Variants in TBRG4 observed in about 807,000 individuals in gnomAD.
TBRG4 encodes FAST kinase domain-containing protein 4.
TBRG4 carries 43 observed loss-of-function variants against 65.6 expected under a neutral mutation model. The ratio of observed to expected loss-of-function variants is 0.66; its 90% CI spans 0.51 to 0.85. The LOEUF (loss-of-function observed/expected upper bound fraction) is 0.85, where lower values mean the gene tolerates loss of function less well. TBRG4 is among the 40% of genes least tolerant of loss of function. The probability of loss-of-function intolerance (pLI) is 0.00; values close to 1 mark genes in which losing one functional copy is unlikely to be tolerated. For missense variants in TBRG4, 709 were observed against 787.9 expected, an observed-to-expected ratio of 0.90 and a Z score of 1.20; for synonymous variants, 366 against 341.4, an observed-to-expected ratio of 1.07 and a Z score of -0.79.
Position 45,100,407 on chromosome 7 carries a change from A to T in TBRG4, c.1814T>A (p.Leu605Gln), listed in dbSNP as rs756523331. ...LIVDVPFYEW[L>Q]ELKSEWQKGA... Reference sequence around the variant, plus strand: ...TTTCTGCCATTCAGACTTGAGTTCCAGCCACTCATAGAATGGGACCTAGAA... The same window carrying T: ...TTTCTGCCATTCAGACTTGAGTTCCTGCCACTCATAGAATGGGACCTAGAA... The change falls in exon 11 of 11, where the codon CTG becomes CAG. Residue 605 changes from leucine to glutamine, a missense_variant. Leu to Gln is a moderately radical substitution (Grantham distance 113). Coordinates refer to ENST00000258770, the MANE Select transcript of TBRG4 (RefSeq NM_004749.4). 2 of 1,614,124 alleles carry T rather than the reference A, an allele frequency of 1.2e-6. No individual in the cohort carries two copies. Among genetic ancestry groups the T allele is most frequent in the South Asian group, 2.2e-5 (2 of 91,088 alleles).
At position 45,102,452 on chromosome 7, in the gene TBRG4, G is replaced by C; in HGVS notation, c.1216C>G (p.Pro406Ala). 1 of 1,613,076 alleles carries C rather than the reference G, an allele frequency of 6.2e-7. No individual in the cohort carries two copies. The highest frequency in any genetic ancestry group is 1.1e-5 in the South Asian group (1 of 91,066). Residue 406 changes from proline (P) to alanine (A), a missense_variant, in exon 7 of 11, where the codon CCA becomes GCA. By Grantham distance (27) the Pro-to-Ala change is conservative (BLOSUM62 -1). Transcript: ENST00000258770. ...KLGSELPGLEPALQVDLVWAL... is the reference protein window; with the variant it reads ...KLGSELPGLEAALQVDLVWAL... ...CACACCAGGTCCACCTGCAGGGCTG[G>C]CTCCAGGCCTGGCAGCTCTGACCCC...
At chr7:45,103,703 C>T (rs900408370) in intron 5 of TBRG4, 1 of 543,180 alleles carries the variant, frequency 1.8e-6, no homozygotes, top group Admixed American at 3.3e-5. Context: ...GAAATATTCT[C>T]CAACCAGTAA....
chr7:45,109,663 C>A (rs1228583001), intron 1 of TBRG4, among the ~76,000 whole-genome samples: 3 of 151,878 alleles, frequency 2.0e-5, no homozygotes, highest in Admixed American at 2.0e-4. Flanking sequence ...TTTTTTATTT[C>A]AAGGGTAACC....
rs1029004758 is a variant in TBRG4 at position 45,101,261 on chromosome 7, C to T, written c.1791G>A (p.Val597=). 4 of 1,612,696 alleles carry T rather than the reference C, an allele frequency of 2.5e-6. No individual in the cohort carries two copies. Among genetic ancestry groups the T allele is most frequent in the Non-Finnish European group, 3.4e-6 (4 of 1,179,302 alleles). The stretch of plus-strand genomic sequence containing the variant: ...CACCTGCCCAAGAGGTACTCACGTC[C>T]ACTATCAGGAAGCCTGCAGCCACTA... ...RHIVAAGFLI[V]DVPFYEWLEL... is the part of the protein sequence containing the mutation. Residue 597 remains valine (V), a synonymous_variant, in exon 10 of 11, where the codon GTG becomes GTA. Coordinates refer to ENST00000258770, the MANE Select transcript of TBRG4 (RefSeq NM_004749.4).
Position 45,103,887 on chromosome 7 carries a change from T to C in TBRG4, c.1065+212A>G, listed in dbSNP as rs3801406. 1.7e-3 allele frequency: 1,168 copies of C among 672,860 alleles called. 25 individuals carry two copies. In the East Asian group the frequency reaches 0.031, roughly 18 times the overall value. 41.7% of individuals were successfully genotyped at this position (672,860 alleles called of 1,614,324 possible). Reference sequence around the variant, plus strand: ...CCAAAATGGATGGAAGCACTTATAATGGTCAGTGAAAGAACAGAGGAAACA... The same window carrying C: ...CCAAAATGGATGGAAGCACTTATAACGGTCAGTGAAAGAACAGAGGAAACA... On this transcript the variant is annotated intron_variant, in intron 5 of 10. Transcript: ENST00000258770.
At chr7:45,102,097 A>AG in intron 7 of TBRG4, 27 bp from the exon 8 acceptor site, 1 of 1,562,114 alleles carries the variant, frequency 6.4e-7, no homozygotes. Context: ...AAGAAGAGGG[A>AG]GGTGGGCCTA....
intron 5 of TBRG4, 144 bp from the exon 6 acceptor site, chr7:45,103,587 G>A: frequency 1.5e-6 from 1 of 660,450 alleles, no homozygotes. Flanking sequence ...AGCTGTGTCG[G>A]GAACAGAGAA....
chr7:45,110,270 C>A (rs1288015593), intron 1 of TBRG4, among the ~76,000 whole-genome samples: 1 of 152,190 alleles, frequency 6.6e-6, no homozygotes, highest in East Asian at 1.9e-4. Context: ...TGGGTCTCCT[C>A]CTCCCCCTAT....
At chr7:45,108,626 A>G (rs142389955) in intron 2 of TBRG4, among the ~76,000 whole-genome samples, 46 of 152,382 alleles carry the variant, frequency 3.0e-4, no homozygotes, top group Non-Finnish European at 5.4e-4. Context: ...CGAGCATAGC[A>G]ATATTTACCT....
In TBRG4 at chr7:45,103,641, C is replaced by T. The variant is rs141148555; in HGVS notation, c.1066-198G>A. 123 of 580,212 alleles carry T rather than the reference C, an allele frequency of 2.1e-4. 1 individual carries two copies. The highest frequency in any genetic ancestry group is 2.0e-3 in the African/African-American group (107 of 53,664). 35.9% of individuals were successfully genotyped at this position (580,212 alleles called of 1,614,324 possible). Reference sequence around the variant, plus strand: ...ACACTCCTTCGCCTGGCAGCAACTACCCACAGAGGCTGGGGACACCTAGAA... The same window carrying T: ...ACACTCCTTCGCCTGGCAGCAACTATCCACAGAGGCTGGGGACACCTAGAA... On this transcript the variant is annotated intron_variant, in intron 5 of 10. Coordinates refer to ENST00000258770, the MANE Select transcript of TBRG4 (RefSeq NM_004749.4).
chr7:45,105,267 A>G (rs1416483764), intron 3 of TBRG4, 174 bp downstream of exon 3: 1 of 706,260 alleles, frequency 1.4e-6, no homozygotes, highest in Non-Finnish European at 2.3e-6. Context: ...CACCTGTTGC[A>G]GCTCCGAGCC....
At chr7:45,110,492 C>A (rs527482073) in intron 1 of TBRG4, among the ~76,000 whole-genome samples, 1 of 152,186 alleles carries the variant, frequency 6.6e-6, no homozygotes, top group East Asian at 1.9e-4. Flanking sequence ...CGGTGAAACA[C>A]CGTCTCTACT....
rs1345811984 is a variant in TBRG4 at position 45,105,627 on chromosome 7, G to A, written c.549C>T (p.His183=). The change falls in exon 3 of 11, where the codon CAC becomes CAT. Residue 183 remains histidine, a synonymous_variant. Transcript: ENST00000258770. The part of the protein sequence containing the change: ...RWRMRKLKYK[H]LAFLAESCAT... Reference sequence around the variant, plus strand: ...CACAGGACTCTGCCAGGAAGGCCAGGTGCTTGTACTTGAGCTTCCGCATGC... The same window carrying A: ...CACAGGACTCTGCCAGGAAGGCCAGATGCTTGTACTTGAGCTTCCGCATGC... 11 of 1,614,154 alleles carry A rather than the reference G, an allele frequency of 6.8e-6. No individual in the cohort carries two copies. The highest frequency in any genetic ancestry group is 2.2e-5 in the East Asian group (1 of 44,886).
intron 3 of TBRG4, chr7:45,105,160 C>CTG: frequency 4.7e-6 from 3 of 641,230 alleles, no homozygotes; most frequent in Non-Finnish European, 8.6e-6. Context: ...CAAGATCGTG[C>CTG]TGTGATGGGG....
chr7:45,104,722 G>A lies in TBRG4; in HGVS notation c.736-13C>T. ...CCAACTCCAGGCACTGTCAACCACA[G>A]CCGCGCAGAGGTCAGCTCAATGGCC... On this transcript the variant is annotated splice_polypyrimidine_tract_variant and intron_variant, in intron 3 of 10. Transcript: ENST00000258770. 1 of 1,612,554 alleles carries A rather than the reference G, an allele frequency of 6.2e-7. No homozygotes were observed. Among genetic ancestry groups the A allele is most frequent in the Non-Finnish European group, 8.5e-7 (1 of 1,179,344 alleles).
chr7:45,103,615 G>A (rs1784840804), intron 5 of TBRG4, 172 bp from the exon 6 acceptor site: 2 of 598,990 alleles, frequency 3.3e-6, no homozygotes, highest in Non-Finnish European at 6.0e-6. Context: ...CACAGGCCCA[G>A]ACACTCCTTC....
At chr7:45,100,456 T>C (rs1387291813) in intron 10 of TBRG4, 30 bp from the exon 11 acceptor site, 25 of 1,577,358 alleles carry the variant, frequency 1.6e-5, no homozygotes, top group Non-Finnish European at 2.2e-5. Context: ...ACAGGTCACA[T>C]GGGCAAGGAG....
At position 45,105,748 on chromosome 7, in the gene TBRG4, T is replaced by C. The variant is rs1306404166; in HGVS notation, c.428A>G (p.His143Arg). Reference protein sequence around the residue: ...LLNSQIASVWHGTLSKLLGSL... With the variant: ...LLNSQIASVWRGTLSKLLGSL... The stretch of plus-strand genomic sequence containing the variant: ...TCCCAGCAGCTTCGAGAGGGTACCA[T>C]GCCAGACCGAGGCAATCTAGGCAGA... Residue 143 changes from histidine (H) to arginine (R), a missense_variant, in exon 3 of 11, where the codon CAT becomes CGT. By Grantham distance (29) the His-to-Arg change is conservative. Transcript: ENST00000258770. The C allele has an allele frequency of 6.2e-7, 1 of 1,608,968 alleles. No individual in the cohort carries two copies. Among genetic ancestry groups the C allele is most frequent in the Admixed American group, 1.7e-5 (1 of 59,736 alleles).
intron 5 of TBRG4, 42 bp from the exon 6 acceptor site, chr7:45,103,485 T>C: frequency 2.3e-6 from 3 of 1,280,926 alleles, no homozygotes; most frequent in Non-Finnish European, 3.2e-6. Context: ...ATAAGCTCTC[T>C]GCCCAGCACG....
Sources: gnomAD v4.1 joint callset for allele counts (sites outside exome capture counted in the v4.1 genomes callset) on GRCh38, gnomAD v4.1.1 for gene constraint, MANE v1.5 for transcripts, NCBI Gene and HGNC (gene_info 2026-07-23, HGNC 2026-07-21) for gene names.